Variants in ROS1 observed in about 807,000 individuals in gnomAD.
ROS1 encodes ROS proto-oncogene 1, receptor tyrosine kinase.
Under a neutral mutation model 273.5 loss-of-function variants are expected in ROS1, and 263 were observed. The observed-to-expected ratio is 0.96, with a 90% CI of 0.87 to 1.06. The LOEUF (loss-of-function observed/expected upper bound fraction) is 1.06. ROS1 is among the 50% of genes least tolerant of loss of function. The pLI is 0.00. For synonymous variants in ROS1, 1,008 were observed against 954.1 expected (o/e 1.06, Z -1.04); for missense variants, 2,833 against 2,751.1 (o/e 1.03, Z -0.67).
Position 117,350,392 on chromosome 6 carries a change from C to T in ROS1, c.4303+2598G>A, listed in dbSNP as rs141926262. Among the ~76,000 whole-genome samples the T allele has an allele frequency of 4.9e-3, 737 of 151,752 alleles. 9 individuals are homozygous for T. Among genetic ancestry groups the T allele is most frequent in the South Asian group, 0.025 (118 of 4,800 alleles). Reference sequence around the variant, plus strand: ...TCCTCTATAGGTTAAGTATTTTTTCCTCTGGCTTCTTTCAGAATTTTTTTT... The same window carrying T: ...TCCTCTATAGGTTAAGTATTTTTTCTTCTGGCTTCTTTCAGAATTTTTTTT... On this transcript the variant is annotated intron_variant, in intron 27 of 43. Transcript: ENST00000368507.
At chr6:117,393,869 A>G (rs1390235726) in intron 11 of ROS1, among the ~76,000 whole-genome samples, 1 of 152,190 alleles carries the variant, frequency 6.6e-6, no homozygotes, top group African/African-American at 2.4e-5. Context: ...TTACCTAACA[A>G]TAAGACAGGT....
intron 18 of ROS1, among the ~76,000 whole-genome samples, chr6:117,375,384 C>G (rs942836540): frequency 6.6e-6 from 1 of 151,662 alleles, no homozygotes; most frequent in Non-Finnish European, 1.5e-5. Flanking sequence ...CAGAATTCAC[C>G]ACTAAAGAAC....
chr6:117,294,339 G>C (rs1308320941), intron 43 of ROS1, among the ~76,000 whole-genome samples: 1 of 151,986 alleles, frequency 6.6e-6, no homozygotes, highest in African/African-American at 2.4e-5. Flanking sequence ...AAATAAAAAG[G>C]CATCTCATAA....
intron 34 of ROS1, 127 bp downstream of exon 34, chr6:117,326,097 A>ATG (rs1483431548): frequency 2.7e-5 from 2 of 73,186 alleles, no homozygotes; most frequent in African/African-American, 5.3e-5. Context: ...AAGATTATAT[A>ATG]TATATATATA....
intron 43 of ROS1, chr6:117,299,682 G>C (rs1156883647): frequency 1.3e-5 from 2 of 152,170 alleles, no homozygotes; most frequent in African/African-American, 4.8e-5. Flanking sequence ...AGTTTCGTTT[G>C]TAAGCAAGGA....
rs78289479 is a variant in ROS1 at position 117,315,287 on chromosome 6, G to A, written c.6117+1856C>T. ...ATGAGAAGATGAAACAAAGCAGTCC[G>A]TTATAACAGGATTTCTAGAACAAAG... On this transcript the variant is annotated intron_variant, in intron 39 of 43. Coordinates refer to ENST00000368507, the MANE Select transcript of ROS1 (RefSeq NM_001378902.1). Among the ~76,000 whole-genome samples the A allele has an allele frequency of 5.3e-3, 804 of 152,056 alleles. 5 individuals are homozygous for A. The highest frequency in any genetic ancestry group is 0.018 in the African/African-American group (749 of 41,474).
intron 1 of ROS1, among the ~76,000 whole-genome samples, chr6:117,422,349 A>G (rs1245426586): frequency 1.3e-5 from 2 of 152,282 alleles, no homozygotes; most frequent in South Asian, 2.1e-4. Flanking sequence ...CCTGAAATTT[A>G]TTTGAATCTG....
In ROS1 at chr6:117,385,753, A is replaced by G. The variant is rs764906451; in HGVS notation, c.2219T>C (p.Ile740Thr). The G allele has an allele frequency of 3.1e-6, 5 of 1,614,212 alleles. No homozygotes were observed. The highest frequency in any genetic ancestry group is 2.2e-5 in the South Asian group (2 of 91,086). The change falls in exon 16 of 44, where the codon ATT becomes ACT. Residue 740 changes from isoleucine (I) to threonine (T), a missense_variant. Physicochemically the swap from Ile to Thr is moderately conservative, Grantham distance 89. Coordinates refer to ENST00000368507, the MANE Select transcript of ROS1 (RefSeq NM_001378902.1). ...DISENYHLPS[I>T]AGAGALAFEW... ...AAAAGCTAAAGCCCCTGCTCCTGCA[A>G]TGCTGGGTAGGTGATAATTCTCTGA...
At chr6:117,365,559 G>A (rs1486748759) in intron 20 of ROS1, 22 bp downstream of exon 20, 2 of 1,604,260 alleles carry the variant, frequency 1.2e-6, no homozygotes, top group Non-Finnish European at 8.5e-7. Context: ...GGAAATGAAA[G>A]TTACTAGAAC....
intron 35 of ROS1, among the ~76,000 whole-genome samples, chr6:117,321,848 T>C (rs1457442842): frequency 1.3e-5 from 2 of 150,574 alleles, no homozygotes; most frequent in African/African-American, 4.9e-5. Context: ...TTTTTTTTTT[T>C]TGCAGAGTAC....
chr6:117,385,990 G>T, intron 15 of ROS1, 129 bp from the exon 16 acceptor site: 1 of 706,748 alleles, frequency 1.4e-6, no homozygotes, highest in Non-Finnish European at 2.4e-6. Flanking sequence ...ACTAGAACTT[G>T]ATCTGTCAAG....
intron 13 of ROS1, among the ~76,000 whole-genome samples, chr6:117,388,279 C>A (rs1772761967): frequency 6.6e-6 from 1 of 152,108 alleles, no homozygotes; most frequent in Admixed American, 6.6e-5. Context: ...CAGAGGGGTT[C>A]TCTACAACAC....
At chr6:117,363,653 G>T (rs1045103167) in intron 21 of ROS1, among the ~76,000 whole-genome samples, 5 of 152,036 alleles carry the variant, frequency 3.3e-5, no homozygotes, top group African/African-American at 9.7e-5. Flanking sequence ...ACCTCTTCTT[G>T]CTCCATCTTT....
intron 18 of ROS1, among the ~76,000 whole-genome samples, chr6:117,371,894 T>C (rs1472088701): frequency 6.6e-6 from 1 of 152,158 alleles, no homozygotes; most frequent in Non-Finnish European, 1.5e-5. Flanking sequence ...CCCCATCCCC[T>C]ACAGCAGCCA....
chr6:117,350,694 T>TC (rs1402038496), intron 27 of ROS1, among the ~76,000 whole-genome samples: 1 of 150,922 alleles, frequency 6.6e-6, no homozygotes, highest in Non-Finnish European at 1.5e-5. Context: ...TTCCTTTTTT[T>TC]TTTTTTTTTT....
intron 43 of ROS1, among the ~76,000 whole-genome samples, chr6:117,299,207 T>C (rs1284542869): frequency 6.6e-6 from 1 of 152,216 alleles, no homozygotes; most frequent in Non-Finnish European, 1.5e-5. Flanking sequence ...CTTGGCAGTT[T>C]GTGTTGAAGA....
At chr6:117,337,419 G>T (rs1777566668) in intron 31 of ROS1, 79 bp from the exon 32 acceptor site, 1 of 1,069,134 alleles carries the variant, frequency 9.4e-7, no homozygotes, top group Non-Finnish European at 1.3e-6. Flanking sequence ...TAGGCTTATA[G>T]CAAGTGGTTA....
At chr6:117,300,827 T>C in intron 43 of ROS1, 147 bp downstream of exon 43, 1 of 501,284 alleles carries the variant, frequency 2.0e-6, no homozygotes, top group Non-Finnish European at 3.3e-6. Flanking sequence ...CAAAGAGGAA[T>C]GCAATAAACA....
chr6:117,328,937 A>G (rs1435417533), intron 33 of ROS1: 4 of 601,848 alleles, frequency 6.6e-6, no homozygotes, highest in African/African-American at 3.6e-5. Flanking sequence ...CTTCATCACC[A>G]TTTCTCACTA....
Sources: gnomAD v4.1 joint callset for allele counts (sites outside exome capture counted in the v4.1 genomes callset) on GRCh38, gnomAD v4.1.1 for gene constraint, MANE v1.5 for transcripts, NCBI Gene and HGNC (gene_info 2026-07-23, HGNC 2026-07-21) for gene names.